Variants in LAMA3 observed in about 807,000 individuals in gnomAD.
The protein encoded by LAMA3 is laminin subunit alpha-3.
LAMA3 carries 281 observed loss-of-function variants against 402.0 expected under a neutral mutation model. The observed-to-expected ratio is 0.70, with a 90% CI of 0.63 to 0.77. The LOEUF (loss-of-function observed/expected upper bound fraction) is 0.77, where lower values mean the gene tolerates loss of function less well. Among genes scored for constraint, LAMA3 ranks in the 30% least tolerant of loss-of-function variants. The probability of loss-of-function intolerance (pLI) is 0.00; values close to 1 mark genes in which losing one functional copy is unlikely to be tolerated. For missense variants in LAMA3, 3,840 were observed against 4,215.5 expected (o/e 0.91, Z 2.47); for synonymous variants, 1,431 against 1,558.4 (o/e 0.92, Z 1.93).
At chr18:23,838,960 G>T (rs891480245) in intron 26 of LAMA3, 82 bp downstream of exon 26, 5 of 865,642 alleles carry the variant, frequency 5.8e-6, no homozygotes, top group Middle Eastern at 2.2e-4. Flanking sequence ...TATACTCAAC[G>T]TCAGAAATGA....
At chr18:23,903,881 C>T (rs1288022322) in intron 49 of LAMA3, 52 bp from the exon 50 acceptor site, 2 of 1,437,864 alleles carry the variant, frequency 1.4e-6, no homozygotes, top group Non-Finnish European at 2.0e-6. Context: ...GAAATCAGCA[C>T]CTACATTCTT....
intron 44 of LAMA3, among the ~76,000 whole-genome samples, chr18:23,897,171 T>C (rs780473404): frequency 1.6e-4 from 25 of 152,134 alleles, no homozygotes; most frequent in Non-Finnish European, 2.9e-4. Context: ...AATACACTCA[T>C]TGAAGTAAAA....
At chr18:23,837,241 A>C (rs1166218165) in intron 25 of LAMA3, 152 bp downstream of exon 25, 1 of 662,638 alleles carries the variant, frequency 1.5e-6, no homozygotes, top group Non-Finnish European at 2.7e-6. Flanking sequence ...CTAGAACCTG[A>C]CTTGCCTCTT....
At chr18:23,948,140 A>T (rs2082775934) in intron 70 of LAMA3, among the ~76,000 whole-genome samples, 1 of 152,126 alleles carries the variant, frequency 6.6e-6, no homozygotes, top group South Asian at 2.1e-4. Context: ...AAATCACAGG[A>T]TGGGGCAGGA....
intron 12 of LAMA3, among the ~76,000 whole-genome samples, chr18:23,803,797 C>T (rs2062910537): frequency 6.6e-6 from 1 of 152,206 alleles, no homozygotes. Flanking sequence ...GTGATGCCTC[C>T]ATATCTTGCA....
intron 32 of LAMA3, among the ~76,000 whole-genome samples, chr18:23,848,853 C>T (rs147931139): frequency 6.6e-6 from 1 of 150,454 alleles, no homozygotes; most frequent in Non-Finnish European, 1.5e-5. Context: ...CTGTTCCATG[C>T]CTTTCTCTTC....
chr18:23,793,267 C>T (rs1288019098), intron 12 of LAMA3, among the ~76,000 whole-genome samples: 4 of 151,870 alleles, frequency 2.6e-5, no homozygotes, highest in South Asian at 2.1e-4. Context: ...CTGGACTGGT[C>T]GGTGTGCATT....
At chr18:23,775,215 CCTT>C (rs1413046783) in intron 9 of LAMA3, among the ~76,000 whole-genome samples, 1 of 152,208 alleles carries the variant, frequency 6.6e-6, no homozygotes, top group Non-Finnish European at 1.5e-5. Context: ...TTGCACTATG[CCTT>C]ACTCCAGTGC....
intron 1 of LAMA3, among the ~76,000 whole-genome samples, chr18:23,701,840 G>A (rs1439845903): frequency 2.0e-5 from 3 of 152,188 alleles, no homozygotes; most frequent in African/African-American, 4.8e-5. Flanking sequence ...CTGGGAGAGC[G>A]AACAGCATGT....
chr18:23,750,906 T>C lies in LAMA3; in HGVS notation c.685-12T>C. The stretch of plus-strand genomic sequence containing the variant: ...AACTTTTTCCCCCTTTATGTGTGTG[T>C]GGTCATTTTAGGTTGTGGTGTCCTT... On this transcript the variant is annotated splice_polypyrimidine_tract_variant and intron_variant, in intron 4 of 74. Transcript: ENST00000313654. 1 of 1,614,150 alleles carries C rather than the reference T, an allele frequency of 6.2e-7. No individual in the cohort carries two copies. The highest frequency in any genetic ancestry group is 8.5e-7 in the Non-Finnish European group (1 of 1,179,976).
At chr18:23,892,322 G>GTCCCAATACAT (rs1211765585) in intron 42 of LAMA3, among the ~76,000 whole-genome samples, 1 of 152,062 alleles carries the variant, frequency 6.6e-6, no homozygotes, top group East Asian at 1.9e-4. Flanking sequence ...TCCCAAAATG[G>GTCCCAATACAT]AAGAAAATGC....
At chr18:23,929,482 G>A (rs898902614) in intron 64 of LAMA3, among the ~76,000 whole-genome samples, 6 of 152,050 alleles carry the variant, frequency 3.9e-5, no homozygotes, top group African/African-American at 1.2e-4. Context: ...CAAGAAAATG[G>A]CTGGTGGCTG....
At chr18:23,938,013 G>T (rs2082364191) in intron 67 of LAMA3, among the ~76,000 whole-genome samples, 1 of 152,152 alleles carries the variant, frequency 6.6e-6, no homozygotes, top group African/African-American at 2.4e-5. Flanking sequence ...CCATGCAGGG[G>T]TAGGTGAGGC....
At chr18:23,833,504 C>T (rs1035847103) in intron 23 of LAMA3, among the ~76,000 whole-genome samples, 3 of 152,142 alleles carry the variant, frequency 2.0e-5, no homozygotes, top group African/African-American at 4.8e-5. Context: ...GAGAAACAAG[C>T]AGCAAAAACA....
chr18:23,919,400 T>C (rs2081753223), intron 60 of LAMA3, among the ~76,000 whole-genome samples: 2 of 152,224 alleles, frequency 1.3e-5, no homozygotes, highest in South Asian at 4.1e-4. Flanking sequence ...GTAATGGAGA[T>C]GCAATAATGA....
chr18:23,905,827 C>G (rs1228750944), intron 52 of LAMA3, among the ~76,000 whole-genome samples: 1 of 152,096 alleles, frequency 6.6e-6, no homozygotes, highest in South Asian at 2.1e-4. Context: ...TGCAGTGGCA[C>G]AATCATAGCT....
chr18:23,876,970 G>A (rs779989241), intron 39 of LAMA3, among the ~76,000 whole-genome samples: 6 of 152,138 alleles, frequency 3.9e-5, no homozygotes, highest in South Asian at 2.1e-4. Context: ...GCACTGAGCC[G>A]AGATCGTGCC....
At chr18:23,749,990 C>T (rs1171808662) in intron 4 of LAMA3, among the ~76,000 whole-genome samples, 4 of 152,304 alleles carry the variant, frequency 2.6e-5, no homozygotes, top group Non-Finnish European at 5.9e-5. Flanking sequence ...CAGAGGAGGA[C>T]TCTGAGGTCC....
Position 23,857,978 on chromosome 18 carries a change from G to C in LAMA3, c.4271G>C (p.Cys1424Ser). The C allele has an allele frequency of 6.2e-7, 1 of 1,614,188 alleles. No homozygotes were observed. Among genetic ancestry groups the C allele is most frequent in the South Asian group, 1.1e-5 (1 of 91,082 alleles). ...GTGTGTGACCCAGGGACCGGGGCTT[G>C]CCTCTGCAAGGTAAGAGAGATCGTG... Reference protein sequence around the residue: ...PGVCDPGTGACLCKENVEGTE... With the variant: ...PGVCDPGTGASLCKENVEGTE... Residue 1424 changes from cysteine (C) to serine (S), a missense_variant, in exon 33 of 75, where the codon TGC becomes TCC. By Grantham distance (112) the Cys-to-Ser change is moderately radical. Coordinates refer to ENST00000313654, the MANE Select transcript of LAMA3 (RefSeq NM_198129.4).
Sources: allele counts gnomAD v4.1 joint callset (sites outside exome capture counted in the v4.1 genomes callset), GRCh38; gene constraint gnomAD v4.1.1; transcripts MANE v1.5; gene names NCBI Gene and HGNC (gene_info 2026-07-23, HGNC 2026-07-21).